PCDH9: variants seen among roughly 807,000 people sequenced by gnomAD.
The protein encoded by PCDH9 is protocadherin 9.
In PCDH9, 24 loss-of-function variants were observed where a neutral mutation model predicts 70.6. The ratio of observed to expected loss-of-function variants is 0.34; its 90% CI spans 0.25 to 0.48. The LOEUF (loss-of-function observed/expected upper bound fraction) is 0.48, where lower values mean the gene tolerates loss of function less well. PCDH9 is among the 20% of genes least tolerant of loss of function. The pLI, the probability that PCDH9 is intolerant of heterozygous loss-of-function variation, is 0.99. For synonymous variants in PCDH9, 562 were observed against 558.5 expected (o/e 1.01, Z -0.09); for missense variants, 1,281 against 1,503.6 (o/e 0.85, Z 2.45).
intron 3 of PCDH9, among the ~76,000 whole-genome samples, chr13:66,691,141 G>A (rs903871962): frequency 2.6e-5 from 4 of 151,948 alleles, no homozygotes; most frequent in African/African-American, 9.7e-5. Flanking sequence ...AGGTTCAAGC[G>A]ATCCTCCCAC....
chr13:66,778,726 A>C (rs1052817558), intron 3 of PCDH9, among the ~76,000 whole-genome samples: 6 of 152,232 alleles, frequency 3.9e-5, no homozygotes, highest in African/African-American at 1.4e-4. Context: ...CCAATGATAA[A>C]GCTGAGATAA....
At chr13:66,745,250 T>C (rs1258341738) in intron 3 of PCDH9, among the ~76,000 whole-genome samples, 2 of 152,208 alleles carry the variant, frequency 1.3e-5, no homozygotes, top group African/African-American at 4.8e-5. Flanking sequence ...TTGAATATTT[T>C]ATTAATCTAT....
chr13:67,190,660 G>A (rs2088886409), intron 2 of PCDH9, among the ~76,000 whole-genome samples: 1 of 151,906 alleles, frequency 6.6e-6, no homozygotes, highest in Non-Finnish European at 1.5e-5. Context: ...GAATAGAGAA[G>A]TGCCCAAATA....
intron 4 of PCDH9, among the ~76,000 whole-genome samples, chr13:66,377,060 G>A (rs994907628): frequency 6.6e-6 from 1 of 152,194 alleles, no homozygotes; most frequent in African/African-American, 2.4e-5. Flanking sequence ...TAGGTACGGA[G>A]AGAATTTGTG....
At chr13:67,019,475 G>A (rs916480678) in intron 2 of PCDH9, among the ~76,000 whole-genome samples, 88 of 152,092 alleles carry the variant, frequency 5.8e-4, no homozygotes, top group African/African-American at 2.0e-3. Context: ...GATTACAGGT[G>A]TGAGCCACCA....
chr13:66,905,927 C>A (rs1200976262), intron 2 of PCDH9, among the ~76,000 whole-genome samples: 2 of 152,194 alleles, frequency 1.3e-5, no homozygotes, highest in Non-Finnish European at 2.9e-5. Flanking sequence ...TGTACCATAT[C>A]TCCCTTAATG....
intron 4 of PCDH9, among the ~76,000 whole-genome samples, chr13:66,380,167 G>T (rs1323502760): frequency 6.6e-6 from 1 of 152,066 alleles, no homozygotes; most frequent in Non-Finnish European, 1.5e-5. Flanking sequence ...TAAGCAATTT[G>T]GTGGCAGCGA....
Position 66,392,190 on chromosome 13 carries a change from GA to G in PCDH9, c.3341-87163del, listed in dbSNP as rs34117132. Among the ~76,000 whole-genome samples the G allele has an allele frequency of 4.6e-3, 692 of 149,038 alleles. 3 individuals are homozygous for G. The highest frequency in any genetic ancestry group is 0.016 in the African/African-American group (638 of 40,692). ...ATACTAAGATTAGGAAGTGACTGGA[GA>G]AAAAAAAATATGTATTTTTTTAAAG... On this transcript the variant is annotated intron_variant, in intron 4 of 4. Transcript: ENST00000377865.
chr13:66,430,521 T>A (rs1024629595), intron 4 of PCDH9, among the ~76,000 whole-genome samples: 3 of 151,968 alleles, frequency 2.0e-5, no homozygotes, highest in Non-Finnish European at 4.4e-5. Context: ...ACATAGTATA[T>A]CCATTTATTC....
At chr13:66,419,237 A>T (rs1957518905) in intron 4 of PCDH9, among the ~76,000 whole-genome samples, 1 of 152,120 alleles carries the variant, frequency 6.6e-6, no homozygotes, top group Non-Finnish European at 1.5e-5. Flanking sequence ...CTTGGCAAAG[A>T]CACAACAAAA....
chr13:67,015,122 G>A (rs1029461918), intron 2 of PCDH9, among the ~76,000 whole-genome samples: 7 of 151,912 alleles, frequency 4.6e-5, no homozygotes, highest in Non-Finnish European at 1.0e-4. Context: ...TTGACTCCTG[G>A]CTCCTCATTT....
chr13:67,127,131 G>A (rs146530354), intron 2 of PCDH9, among the ~76,000 whole-genome samples: 2 of 152,230 alleles, frequency 1.3e-5, no homozygotes, highest in African/African-American at 4.8e-5. Context: ...TCCTTACAGA[G>A]ATTAATAGTA....
intron 4 of PCDH9, among the ~76,000 whole-genome samples, chr13:66,573,737 T>TTTTGTTTGTTTG (rs71205596): frequency 2.6e-5 from 4 of 151,156 alleles, no homozygotes; most frequent in Non-Finnish European, 5.9e-5. Context: ...AGTTGGGTTT[T>TTTTGTTTGTTTG]TTTGTTTGTT....
chr13:66,529,802 AG>A (rs1382414824), intron 4 of PCDH9, among the ~76,000 whole-genome samples: 1 of 151,884 alleles, frequency 6.6e-6, no homozygotes, highest in Non-Finnish European at 1.5e-5. Flanking sequence ...ATAAAGCAAA[AG>A]GTTCCTCATA....
intron 4 of PCDH9, among the ~76,000 whole-genome samples, chr13:66,561,877 C>T (rs1239410071): frequency 6.6e-6 from 1 of 152,092 alleles, no homozygotes; most frequent in Non-Finnish European, 1.5e-5. Context: ...GGGTCCTCTT[C>T]CACACTGTGG....
intron 2 of PCDH9, among the ~76,000 whole-genome samples, chr13:67,100,511 T>C (rs1189415633): frequency 6.6e-6 from 1 of 152,226 alleles, no homozygotes; most frequent in African/African-American, 2.4e-5. Flanking sequence ...GAAATGTTTC[T>C]ATCATAAATT....
chr13:67,135,750 TAGG>T (rs770456701), intron 2 of PCDH9, among the ~76,000 whole-genome samples: 1 of 152,098 alleles, frequency 6.6e-6, no homozygotes, highest in Non-Finnish European at 1.5e-5. Flanking sequence ...AAAATAGAAT[TAGG>T]AGAAATTGTA....
intron 2 of PCDH9, among the ~76,000 whole-genome samples, chr13:66,957,570 A>G (rs1452360966): frequency 1.3e-5 from 2 of 152,156 alleles, no homozygotes; most frequent in Admixed American, 1.3e-4. Context: ...TCCATGAGGT[A>G]TTTGCAGATG....
chr13:66,737,148 A>G (rs1307527375), intron 3 of PCDH9, among the ~76,000 whole-genome samples: 2 of 152,236 alleles, frequency 1.3e-5, no homozygotes, highest in African/African-American at 2.4e-5. Flanking sequence ...TTTATTCATC[A>G]AATAATAATT....
Sources: gnomAD v4.1 joint callset for allele counts (sites outside exome capture counted in the v4.1 genomes callset) on GRCh38, gnomAD v4.1.1 for gene constraint, MANE v1.5 for transcripts, NCBI Gene and HGNC (gene_info 2026-07-23, HGNC 2026-07-21) for gene names.